COL19A1: variants seen among roughly 807,000 people sequenced by gnomAD.
COL19A1 encodes collagen type XIX alpha 1 chain, also known as collagen alpha-1(XIX) chain.
Under a neutral mutation model 190.2 loss-of-function variants are expected in COL19A1, and 159 were observed. The ratio of observed to expected loss-of-function variants is 0.84; its 90% CI spans 0.73 to 0.95. The LOEUF is 0.95. COL19A1 is among the 40% of genes least tolerant of loss of function. The pLI is 0.00. For synonymous variants in COL19A1, 509 were observed against 458.9 expected (o/e 1.11, Z -1.39); for missense variants, 1,418 against 1,431.9 (o/e 0.99, Z 0.16).
intron 11 of COL19A1, among the ~76,000 whole-genome samples, chr6:70,002,000 G>A (rs138601299): frequency 1.3e-5 from 2 of 152,220 alleles, no homozygotes; most frequent in East Asian, 3.9e-4. Flanking sequence ...TTGGATGTGG[G>A]TTTATCATAA....
rs577213750 is a variant in COL19A1, at chr6:70,124,291, G to T, written c.1341+2349G>T. ...AATAAGTTGGCTCTGATGTCACAGT[G>T]TCAGCTACAAAAACTTAAAGAACAC... On this transcript the variant is annotated intron_variant, in intron 17 of 50. Transcript: ENST00000620364. Among the ~76,000 whole-genome samples the T allele has an allele frequency of 6.6e-5, 10 of 152,204 alleles. No individual in the cohort carries two copies. In the South Asian group the frequency reaches 2.1e-3, roughly 32 times the overall value.
intron 11 of COL19A1, among the ~76,000 whole-genome samples, chr6:69,995,621 C>A (rs1054612947): frequency 6.6e-6 from 1 of 151,302 alleles, no homozygotes; most frequent in African/African-American, 2.4e-5. Flanking sequence ...CATCTAAATT[C>A]TTTAATTATA....
chr6:70,142,099 T>A (rs1786290974), intron 22 of COL19A1, 23 bp downstream of exon 22: 2 of 1,602,578 alleles, frequency 1.2e-6, no homozygotes, highest in Non-Finnish European at 1.7e-6. Flanking sequence ...TAACTAAGAT[T>A]TCTTGGGAAA....
chr6:69,994,903 G>T (rs1046507844), intron 11 of COL19A1, among the ~76,000 whole-genome samples: 1 of 151,994 alleles, frequency 6.6e-6, no homozygotes, highest in African/African-American at 2.4e-5. Flanking sequence ...CCCTGCCCAC[G>T]GTGTCCCCAC....
At chr6:69,899,719 TTCC>T (rs959681255) in intron 3 of COL19A1, among the ~76,000 whole-genome samples, 5 of 152,166 alleles carry the variant, frequency 3.3e-5, no homozygotes, top group Non-Finnish European at 7.4e-5. Flanking sequence ...TCTCCTTCTT[TTCC>T]TCCTCCTTCT....
chr6:69,884,381 G>T lies in COL19A1; in HGVS notation c.91+4723G>T, dbSNP rs1327733779. On this transcript the variant is annotated intron_variant, in intron 2 of 50. Transcript: ENST00000620364. ...GTATCAGACCAATGAGAGGAAAAAT[G>T]TTTAACAAAAGATGTGATGTTATCT... Among the ~76,000 whole-genome samples the T allele has an allele frequency of 2.0e-5, 3 of 151,562 alleles. No homozygotes were observed. In the East Asian group the frequency reaches 5.8e-4, roughly 29 times the overall value.
At chr6:70,164,117 C>T (rs1209895714) in intron 36 of COL19A1, among the ~76,000 whole-genome samples, 4 of 152,142 alleles carry the variant, frequency 2.6e-5, no homozygotes, top group Admixed American at 1.3e-4. Flanking sequence ...AGTTCTGTCC[C>T]TAGACGGTCA....
In COL19A1 at chr6:70,145,812, C is replaced by T. The variant is rs541659511; in HGVS notation, c.1770+805C>T. ...TATGGATCACTGCAGCCTCCACCTC[C>T]GGGATTCAAGTGATCCTCCCACCCC... On this transcript the variant is annotated intron_variant, in intron 25 of 50. Transcript: ENST00000620364. 4.8e-4 allele frequency among the ~76,000 whole-genome samples: 72 copies of T among 151,040 alleles called. 1 individual carries two copies. In the South Asian group the frequency reaches 9.7e-3, roughly 20 times the overall value.
At chr6:70,104,791 C>T (rs561941948) in intron 16 of COL19A1, among the ~76,000 whole-genome samples, 1 of 152,228 alleles carries the variant, frequency 6.6e-6, no homozygotes, top group South Asian at 2.1e-4. Flanking sequence ...TTAAGACAGG[C>T]TAATTGTTGT....
At chr6:70,007,903 C>T (rs1777733982) in intron 11 of COL19A1, among the ~76,000 whole-genome samples, 1 of 151,924 alleles carries the variant, frequency 6.6e-6, no homozygotes, top group African/African-American at 2.4e-5. Context: ...TTAAATTCGA[C>T]ATCAATATTA....
At chr6:70,206,746 A>T (rs1767888296) in intron 49 of COL19A1, among the ~76,000 whole-genome samples, 155 bp from the exon 50 acceptor site, 1 of 151,994 alleles carries the variant, frequency 6.6e-6, no homozygotes. Context: ...ATGTAAGTTT[A>T]ATATGTGGTT....
chr6:70,046,062 G>A (rs912815777), intron 14 of COL19A1, among the ~76,000 whole-genome samples: 2 of 152,120 alleles, frequency 1.3e-5, no homozygotes, highest in African/African-American at 4.8e-5. Flanking sequence ...GCCCATTTTT[G>A]TAATACAATG....
chr6:70,088,275 C>CT (rs907184445), intron 15 of COL19A1, among the ~76,000 whole-genome samples: 23 of 151,926 alleles, frequency 1.5e-4, no homozygotes, highest in Middle Eastern at 3.4e-3. Context: ...GTTTTTATTC[C>CT]TTTTTTTTCC....
At chr6:70,035,759 T>G (rs1253570730) in intron 13 of COL19A1, 145 bp from the exon 14 acceptor site, 1 of 619,612 alleles carries the variant, frequency 1.6e-6, no homozygotes, top group East Asian at 2.7e-5. Flanking sequence ...ATTTTCTTTA[T>G]GCAGAGACTT....
chr6:69,871,967 TCACCACACCTGG>T (rs1767863892), intron 1 of COL19A1, among the ~76,000 whole-genome samples: 1 of 151,788 alleles, frequency 6.6e-6, no homozygotes, highest in African/African-American at 2.4e-5. Flanking sequence ...CAGGTGCCTG[TCACCACACCTGG>T]CTAATTTTTG....
intron 11 of COL19A1, among the ~76,000 whole-genome samples, chr6:69,994,078 A>T (rs771321108): frequency 6.6e-6 from 1 of 151,930 alleles, no homozygotes; most frequent in Non-Finnish European, 1.5e-5. Context: ...TAGCTTTATT[A>T]TGTGGGTATT....
intron 16 of COL19A1, among the ~76,000 whole-genome samples, chr6:70,104,787 C>T (rs1783852339): frequency 6.6e-6 from 1 of 152,174 alleles, no homozygotes; most frequent in South Asian, 2.1e-4. Context: ...GCTTTTAAGA[C>T]AGGCTAATTG....
chr6:70,001,518 A>G (rs1196625362), intron 11 of COL19A1, among the ~76,000 whole-genome samples: 1 of 152,058 alleles, frequency 6.6e-6, no homozygotes, highest in Non-Finnish European at 1.5e-5. Flanking sequence ...ATGTTTTTCC[A>G]TTTGTTTGTG....
chr6:70,151,321 A>G (rs376055279), intron 30 of COL19A1, 76 bp from the exon 31 acceptor site: 6 of 1,455,258 alleles, frequency 4.1e-6, no homozygotes, highest in East Asian at 4.6e-5. Flanking sequence ...AAAAATGTCT[A>G]CATTATACTG....
Sources: gnomAD v4.1 joint callset for allele counts (sites outside exome capture counted in the v4.1 genomes callset) on GRCh38, gnomAD v4.1.1 for gene constraint, MANE v1.5 for transcripts, NCBI Gene and HGNC (gene_info 2026-07-23, HGNC 2026-07-21) for gene names.